Variants in MCC observed in about 807,000 individuals in gnomAD.
MCC encodes the protein colorectal mutant cancer protein.
A neutral mutation model predicts 116.2 loss-of-function variants in MCC; 90 were observed. The ratio of observed to expected loss-of-function variants is 0.77; its 90% CI spans 0.65 to 0.92. MCC has a LOEUF of 0.92. Among genes scored for constraint, MCC ranks in the 40% least tolerant of loss-of-function variants. MCC has a pLI of 0.00. For missense variants in MCC, 1,516 were observed against 1,312.2 expected (o/e 1.16, Z -2.40); for synonymous variants, 578 against 510.5 (o/e 1.13, Z -1.78).
chr5:113,437,732 C>T (rs1326676249), intron 1 of MCC, among the ~76,000 whole-genome samples: 4 of 152,112 alleles, frequency 2.6e-5, no homozygotes, highest in African/African-American at 9.7e-5. Context: ...TCTTTTGATT[C>T]TTTAGATGCT....
At chr5:113,041,062 T>C (rs1381679063) in intron 17 of MCC, among the ~76,000 whole-genome samples, 1 of 152,208 alleles carries the variant, frequency 6.6e-6, no homozygotes, top group African/African-American at 2.4e-5. Context: ...TCTGCGCAGC[T>C]TTTCTCTTCC....
intron 4 of MCC, among the ~76,000 whole-genome samples, chr5:113,150,956 A>C (rs1759825630): frequency 6.6e-6 from 1 of 152,148 alleles, no homozygotes; most frequent in Non-Finnish European, 1.5e-5. Context: ...CGGTGTGAGG[A>C]ATGCTTGAGC....
intron 5 of MCC, among the ~76,000 whole-genome samples, chr5:113,134,022 G>A (rs1282350175): frequency 2.6e-5 from 4 of 152,140 alleles, no homozygotes; most frequent in South Asian, 2.1e-4. Context: ...CTCCCATTCT[G>A]TAGTTTGTCT....
intron 1 of MCC, among the ~76,000 whole-genome samples, chr5:113,459,816 G>A (rs959509549): frequency 5.2e-5 from 5 of 95,840 alleles, no homozygotes; most frequent in East Asian, 5.8e-4. Flanking sequence ...TCCTAGAATC[G>A]CTATGGAAAA....
chr5:113,100,796 T>C (rs1252453991), intron 8 of MCC, among the ~76,000 whole-genome samples: 3 of 152,154 alleles, frequency 2.0e-5, no homozygotes, highest in Non-Finnish European at 4.4e-5. Context: ...CTAAGTCAAC[T>C]TTATCTGTGT....
At chr5:113,054,269 G>A (rs565346065) in intron 14 of MCC, among the ~76,000 whole-genome samples, 1 of 152,308 alleles carries the variant, frequency 6.6e-6, no homozygotes, top group South Asian at 2.1e-4. Flanking sequence ...ATACAGTTTA[G>A]TGATTTATCA....
At chr5:113,175,526 G>GT (rs2150305953) in intron 3 of MCC, among the ~76,000 whole-genome samples, 1 of 152,278 alleles carries the variant, frequency 6.6e-6, no homozygotes, top group South Asian at 2.1e-4. Context: ...ACTGTAGTTA[G>GT]TGTTCAATTA....
intron 3 of MCC, among the ~76,000 whole-genome samples, chr5:113,207,621 C>A (rs1762965707): frequency 6.6e-6 from 1 of 152,178 alleles, no homozygotes; most frequent in South Asian, 2.1e-4. Flanking sequence ...CAGCACTTTA[C>A]AAAATGATTC....
At chr5:113,155,424 G>T (rs74725019) in intron 3 of MCC, among the ~76,000 whole-genome samples, 3,103 of 152,240 alleles carry the variant, frequency 0.02, 39 homozygotes, top group Non-Finnish European at 0.031. Flanking sequence ...GGATCATATG[G>T]TAGTTCTATT....
chr5:113,114,220 A>G (rs917563592), intron 6 of MCC, among the ~76,000 whole-genome samples: 2 of 152,244 alleles, frequency 1.3e-5, no homozygotes, highest in African/African-American at 4.8e-5. Context: ...GTAAGTTTGA[A>G]GATTTTTAAA....
chr5:113,107,214 T>TG (rs1206359702), intron 6 of MCC, among the ~76,000 whole-genome samples: 1 of 129,258 alleles, frequency 7.7e-6, no homozygotes, highest in Non-Finnish European at 1.5e-5. Context: ...TTTTCTTTTT[T>TG]TTTTTTCTTT....
chr5:113,476,358 T>C (rs778893669), intron 1 of MCC, among the ~76,000 whole-genome samples: 1 of 152,150 alleles, frequency 6.6e-6, no homozygotes, highest in Non-Finnish European at 1.5e-5. Flanking sequence ...CACAGAGCAA[T>C]GGAAAGGACT....
At chr5:113,404,257 A>AT (rs1398015540) in intron 1 of MCC, among the ~76,000 whole-genome samples, 5 of 152,216 alleles carry the variant, frequency 3.3e-5, no homozygotes, top group African/African-American at 1.2e-4. Flanking sequence ...CACTGCCAAA[A>AT]TTCACAGCTC....
intron 2 of MCC, among the ~76,000 whole-genome samples, chr5:113,345,521 G>T (rs1488060588): frequency 6.6e-6 from 1 of 152,226 alleles, no homozygotes; most frequent in Non-Finnish European, 1.5e-5. Context: ...AACCACAGGG[G>T]TGGTTGCATC....
intron 4 of MCC, among the ~76,000 whole-genome samples, chr5:113,145,187 C>T (rs1335852303): frequency 6.6e-6 from 1 of 152,244 alleles, no homozygotes; most frequent in Non-Finnish European, 1.5e-5. Context: ...CTGTTAGCCT[C>T]TGTTCCCAAC....
At position 113,064,126 on chromosome 5, in the gene MCC, G is replaced by T; in HGVS notation, c.2071C>A (p.Arg691=). 1.2e-6 allele frequency: 2 copies of T among 1,613,804 alleles called. No individual in the cohort carries two copies. The highest frequency in any genetic ancestry group is 1.7e-4 in the Middle Eastern group (1 of 6,056). The part of the protein sequence containing the change: ...GDENITQMLK[R]AHDCRKTAEN... ...GCTGTCTTCCGGCAGTCATGAGCTC[G>T]CTTGAGCATCTGAGTGATGTTTTCA... is the stretch of plus-strand genomic sequence containing the variant. The change falls in exon 14 of 19, where the codon CGA becomes AGA. Residue 691 remains arginine (R), a synonymous_variant. Coordinates refer to ENST00000408903, the MANE Select transcript of MCC (RefSeq NM_001085377.2).
chr5:113,234,553 G>C (rs1045593968), intron 3 of MCC: 1 of 152,072 alleles, frequency 6.6e-6, no homozygotes. Context: ...CCCCCTAGAC[G>C]GGCTTTTTAC....
rs142672224 is a variant in MCC, at chr5:113,103,994, T to A, written c.1191+198A>T. On this transcript the variant is annotated intron_variant, in intron 7 of 18. Coordinates refer to ENST00000408903, the MANE Select transcript of MCC (RefSeq NM_001085377.2). Reference sequence around the variant, plus strand: ...CCAGTGAACCTGACTGCTGACATCATGACTTTTTCTGAAATAAATCAGCCC... The same window carrying A: ...CCAGTGAACCTGACTGCTGACATCAAGACTTTTTCTGAAATAAATCAGCCC... Among the ~76,000 whole-genome samples, 574 of 151,920 alleles carry A rather than the reference T, an allele frequency of 3.8e-3. 6 individuals are homozygous for A. Among genetic ancestry groups the A allele is most frequent in the African/African-American group, 0.013 (535 of 41,198 alleles).
In MCC at chr5:113,037,980, G is replaced by A. The variant is rs116342900; in HGVS notation, c.2756+5550C>T. 8.1e-3 allele frequency among the ~76,000 whole-genome samples: 1,240 copies of A among 152,292 alleles called. 14 individuals are homozygous for A. The highest frequency in any genetic ancestry group is 0.028 in the African/African-American group (1,155 of 41,538). ...TATGCAGAGCACCCTAATCCGAAGT[G>A]TGTTTTAAGGTATTCTGGCGGCAGA... On this transcript the variant is annotated intron_variant, in intron 17 of 18. Coordinates refer to ENST00000408903, the MANE Select transcript of MCC (RefSeq NM_001085377.2).
Sources: gnomAD v4.1 joint callset for allele counts (sites outside exome capture counted in the v4.1 genomes callset) on GRCh38, gnomAD v4.1.1 for gene constraint, MANE v1.5 for transcripts, NCBI Gene and HGNC (gene_info 2026-07-23, HGNC 2026-07-21) for gene names.